C1QTNF7: variants seen among roughly 807,000 people sequenced by gnomAD.
C1QTNF7 encodes the protein C1q and TNF related 7, also known as complement C1q tumor necrosis factor-related protein 7.
C1QTNF7 carries 15 observed loss-of-function variants against 19.6 expected under a neutral mutation model. The observed-to-expected ratio is 0.76, with a 90% CI of 0.51 to 1.18. The LOEUF (loss-of-function observed/expected upper bound fraction) is 1.18, where lower values mean the gene tolerates loss of function less well. Among genes scored for constraint, C1QTNF7 ranks in the 50% most tolerant of loss-of-function variants. The pLI is 0.00. For missense variants in C1QTNF7, 324 were observed against 359.7 expected (o/e 0.90, Z 0.80); for synonymous variants, 142 against 137.5 (o/e 1.03, Z -0.23).
At chr4:15,428,500 AC>A (rs201269983) in intron 1 of C1QTNF7, among the ~76,000 whole-genome samples, 12,306 of 152,050 alleles carry the variant, frequency 0.081, 755 homozygotes, top group Admixed American at 0.19. Flanking sequence ...TTGAGCCTCT[AC>A]TGTAGACTAG....
At chr4:15,436,512 T>G (rs147477740) in intron 2 of C1QTNF7, among the ~76,000 whole-genome samples, 1 of 152,362 alleles carries the variant, frequency 6.6e-6, no homozygotes, top group East Asian at 1.9e-4. Context: ...TTCTAAATTT[T>G]ATTTTTCACA....
intron 1 of C1QTNF7, among the ~76,000 whole-genome samples, chr4:15,346,886 C>A (rs2086026915): frequency 6.6e-6 from 1 of 152,206 alleles, no homozygotes; most frequent in Non-Finnish European, 1.5e-5. Context: ...TTCCCAATAC[C>A]AACACGCAGT....
Position 15,395,035 on chromosome 4 carries a change from G to C in C1QTNF7, c.14-40701G>C, listed in dbSNP as rs115940996. 1.3e-3 allele frequency among the ~76,000 whole-genome samples: 192 copies of C among 152,294 alleles called. No homozygotes were observed. In the Middle Eastern group the frequency reaches 0.014, roughly 11 times the overall value. On this transcript the variant is annotated intron_variant, in intron 1 of 2. Coordinates refer to the C1QTNF7 transcript ENST00000295297. ...AAGTTTTATAACTTATATTTCCCAA[G>C]AGGAGGGGGCACACCATGCCACACA...
intron 1 of C1QTNF7, among the ~76,000 whole-genome samples, chr4:15,350,910 ATTAC>A (rs1470898679): frequency 6.6e-6 from 1 of 152,214 alleles, no homozygotes; most frequent in African/African-American, 2.4e-5. Context: ...TTTGATGTTA[ATTAC>A]TTAGGATTCT....
rs770347497 is a variant in C1QTNF7 at position 15,373,432 on chromosome 4, T to C, written c.13+33225T>C. On this transcript the variant is annotated intron_variant, in intron 1 of 2. Transcript: ENST00000295297. ...GTATGAATTTGTGGGGAAACACGTA[T>C]ATTCAAACCATGGCAACTACTTTAT... 1.1e-4 allele frequency among the ~76,000 whole-genome samples: 17 copies of C among 152,246 alleles called. 1 individual carries two copies. Among genetic ancestry groups the C allele is most frequent in the Non-Finnish European group, 5.9e-5 (4 of 68,048 alleles).
intron 1 of C1QTNF7, among the ~76,000 whole-genome samples, chr4:15,380,122 C>T (rs948995024): frequency 2.0e-5 from 3 of 152,184 alleles, no homozygotes; most frequent in Admixed American, 6.5e-5. Flanking sequence ...AAAGGCTATA[C>T]TTTCAGTGTT....
chr4:15,416,176 G>A (rs1719599668), intron 1 of C1QTNF7, among the ~76,000 whole-genome samples: 1 of 152,136 alleles, frequency 6.6e-6, no homozygotes, highest in Non-Finnish European at 1.5e-5. Context: ...CTATAAATGT[G>A]CCTGCTCTTT....
upstream of C1QTNF7, among the ~76,000 whole-genome samples, chr4:15,423,305 G>A (rs1251861660): frequency 1.1e-5 from 1 of 92,616 alleles, no homozygotes; most frequent in Non-Finnish European, 2.2e-5. Context: ...TGTGAGTTGA[G>A]ATCCTGTCTT....
chr4:15,351,030 A>G (rs998478669), intron 1 of C1QTNF7, among the ~76,000 whole-genome samples: 21 of 152,078 alleles, frequency 1.4e-4, no homozygotes, highest in Admixed American at 1.2e-3. Flanking sequence ...CAACTTCTCA[A>G]CTCCATTTCC....
chr4:15,425,117 C>T (rs893918659), upstream of C1QTNF7, among the ~76,000 whole-genome samples: 1 of 151,862 alleles, frequency 6.6e-6, no homozygotes, highest in African/African-American at 2.4e-5. Context: ...CTACAACTCC[C>T]CGGTTTGTAA....
At chr4:15,344,266 A>C (rs187431466) in intron 1 of C1QTNF7, among the ~76,000 whole-genome samples, 4 of 152,354 alleles carry the variant, frequency 2.6e-5, no homozygotes, top group Non-Finnish European at 5.9e-5. Flanking sequence ...TGAAGTAATC[A>C]TTTAGGTTTG....
chr4:15,344,608 A>G (rs1465109200), intron 1 of C1QTNF7, among the ~76,000 whole-genome samples: 2 of 152,226 alleles, frequency 1.3e-5, no homozygotes, highest in African/African-American at 4.8e-5. Context: ...CACTCTATGA[A>G]GATAACACTC....
chr4:15,416,276 T>C (rs1302383579), intron 1 of C1QTNF7, among the ~76,000 whole-genome samples: 1 of 152,228 alleles, frequency 6.6e-6, no homozygotes, highest in Non-Finnish European at 1.5e-5. Context: ...ATTGAACAAA[T>C]ATATATCCAG....
At chr4:15,342,564 C>A (rs747617188) in intron 1 of C1QTNF7, among the ~76,000 whole-genome samples, 2 of 152,152 alleles carry the variant, frequency 1.3e-5, no homozygotes, top group Non-Finnish European at 2.9e-5. Flanking sequence ...AAGAAAGCGT[C>A]CCACAAAGCT....
chr4:15,436,558 C>T (rs1314648103), intron 2 of C1QTNF7, among the ~76,000 whole-genome samples: 2 of 152,208 alleles, frequency 1.3e-5, no homozygotes, highest in African/African-American at 2.4e-5. Flanking sequence ...GCCTACCTTT[C>T]CTAGCTCATC....
At chr4:15,410,345 G>A (rs1395832030) in intron 1 of C1QTNF7, among the ~76,000 whole-genome samples, 2 of 152,050 alleles carry the variant, frequency 1.3e-5, no homozygotes, top group African/African-American at 4.8e-5. Flanking sequence ...CAGCATTTTG[G>A]TATATTTTCT....
At position 15,442,983 on chromosome 4, in the gene C1QTNF7, T is replaced by G; in HGVS notation, c.*184T>G. 1 of 507,394 alleles carries G rather than the reference T, an allele frequency of 2.0e-6. No homozygotes were observed. The highest frequency in any genetic ancestry group is 3.3e-6 in the Non-Finnish European group (1 of 301,242). 31.4% of individuals were successfully genotyped at this position (507,394 alleles called of 1,614,324 possible). On this transcript the variant is annotated 3_prime_UTR_variant, in exon 3 of 3. Transcript: ENST00000444304. ...GTTGAAACCACAACAAAATGAATTC[T>G]ATTAAAGAATAGCCCCAGATATAAA...
chr4:15,356,062 TTTTGTTTG>T (rs142519956), intron 1 of C1QTNF7, among the ~76,000 whole-genome samples: 4 of 151,812 alleles, frequency 2.6e-5, no homozygotes, highest in East Asian at 3.9e-4. Flanking sequence ...GGTAATGGTT[TTTTGTTTG>T]TTTGTTTGTT....
exon 1 of C1QTNF7, chr4:15,339,963 CTG>C (rs1159688444): frequency 1.7e-6 from 1 of 605,094 alleles, no homozygotes; most frequent in African/African-American, 1.9e-5. Context: ...GTTGTTTAAA[CTG>C]AGAAAGACAG....
Sources: gnomAD v4.1 joint callset for allele counts (sites outside exome capture counted in the v4.1 genomes callset) on GRCh38, gnomAD v4.1.1 for gene constraint, MANE v1.5 for transcripts, NCBI Gene and HGNC (gene_info 2026-07-23, HGNC 2026-07-21) for gene names.